Variants in SVIL observed in about 807,000 individuals in gnomAD.
SVIL encodes archvillin.
SVIL carries 101 observed loss-of-function variants against 240.4 expected under a neutral mutation model. That is an observed-to-expected ratio of 0.42 (90% confidence interval 0.36 to 0.50). The LOEUF (loss-of-function observed/expected upper bound fraction) is 0.50. Among genes scored for constraint, SVIL ranks in the 20% least tolerant of loss-of-function variants. The pLI, the probability that SVIL is intolerant of heterozygous loss-of-function variation, is 0.01. For missense variants in SVIL, 2,512 were observed against 2,818.7 expected, an observed-to-expected ratio of 0.89 and a Z score of 2.46; for synonymous variants, 999 against 1,100.0, an observed-to-expected ratio of 0.91 and a Z score of 1.82.
chr10:29,587,681 A>T (rs1956225405), intron 1 of SVIL, among the ~76,000 whole-genome samples: 1 of 152,188 alleles, frequency 6.6e-6, no homozygotes, highest in Admixed American at 6.5e-5. Flanking sequence ...CAACCTCATC[A>T]GAGGACTCCC....
intron 17 of SVIL, among the ~76,000 whole-genome samples, chr10:29,501,857 A>G (rs1332654106): frequency 6.6e-6 from 1 of 152,226 alleles, no homozygotes; most frequent in Non-Finnish European, 1.5e-5. Context: ...TGGCGTCTCC[A>G]AAGGTCCAGC....
chr10:29,586,863 A>C (rs374567431), intron 1 of SVIL, among the ~76,000 whole-genome samples: 1 of 152,128 alleles, frequency 6.6e-6, no homozygotes, highest in African/African-American at 2.4e-5. Flanking sequence ...GACACATAGA[A>C]GGGAACAACA....
intron 3 of SVIL, among the ~76,000 whole-genome samples, chr10:29,654,805 A>G (rs1958947450): frequency 6.6e-6 from 1 of 152,188 alleles, no homozygotes; most frequent in African/African-American, 2.4e-5. Flanking sequence ...AGATCTGAGA[A>G]TCCTGGGGCC....
chr10:29,593,164 A>G (rs1414563122), intron 1 of SVIL, among the ~76,000 whole-genome samples: 1 of 152,202 alleles, frequency 6.6e-6, no homozygotes, highest in African/African-American at 2.4e-5. Flanking sequence ...TTGAAAAAAA[A>G]AGAGATATTC....
intron 2 of SVIL, among the ~76,000 whole-genome samples, chr10:29,669,982 G>A (rs1460900760): frequency 6.6e-6 from 1 of 152,008 alleles, no homozygotes; most frequent in Non-Finnish European, 1.5e-5. Context: ...GGGCATGGTG[G>A]TGTGCACCTG....
At chr10:29,496,205 C>G (rs189793795) in intron 18 of SVIL, among the ~76,000 whole-genome samples, 3 of 152,154 alleles carry the variant, frequency 2.0e-5, no homozygotes. Flanking sequence ...GTTTAAAACT[C>G]AAGTTTTAGT....
chr10:29,595,674 GTC>G lies in SVIL; in HGVS notation c.-200-26364_-200-26363del, dbSNP rs537446643. Among the ~76,000 whole-genome samples, 107 of 152,316 alleles carry G rather than the reference GTC, an allele frequency of 7.0e-4. 1 individual carries two copies. The South Asian group carries it at 7.7e-3, about 11-fold the overall frequency. ...AAAAATACATATGGCCCAGGGGAAA[GTC>G]TCTAGCATCAGTGCCTCTCTTCTGC... On this transcript the variant is annotated intron_variant, in intron 1 of 37. Coordinates refer to ENST00000355867, the MANE Select transcript of SVIL (RefSeq NM_021738.3).
rs1264804056 is a variant in SVIL, at chr10:29,486,268, C to T, written c.4634-38G>A. On this transcript the variant is annotated intron_variant, in intron 25 of 37. Coordinates refer to ENST00000355867, the MANE Select transcript of SVIL (RefSeq NM_021738.3). ...AAGAACAGGAGAGCATCACATTTTA[C>T]ATTGCAAAGTAGCTGCAATGTAAAA... 4 of 1,609,736 alleles carry T rather than the reference C, an allele frequency of 2.5e-6. No homozygotes were observed. In the South Asian group the frequency reaches 4.4e-5, roughly 18 times the overall value.
chr10:29,702,764 G>A (rs1004656718), intron 1 of SVIL, among the ~76,000 whole-genome samples: 4 of 152,122 alleles, frequency 2.6e-5, no homozygotes, highest in Non-Finnish European at 5.9e-5. Flanking sequence ...GATAGTTCCT[G>A]TCCCCACGCA....
At chr10:29,607,061 T>C (rs906587347) in intron 1 of SVIL, among the ~76,000 whole-genome samples, 8 of 152,224 alleles carry the variant, frequency 5.3e-5, no homozygotes, top group Non-Finnish European at 8.8e-5. Flanking sequence ...GGCCTACACA[T>C]TGAACTATTT....
intron 1 of SVIL, among the ~76,000 whole-genome samples, chr10:29,611,914 T>C (rs1957259258): frequency 6.6e-6 from 1 of 151,984 alleles, no homozygotes; most frequent in South Asian, 2.1e-4. Flanking sequence ...AGGGGGAGAA[T>C]CTCTCATTCC....
intron 1 of SVIL, among the ~76,000 whole-genome samples, chr10:29,614,420 A>G (rs1957359825): frequency 6.6e-6 from 1 of 152,232 alleles, no homozygotes. Context: ...CCAAATGCCC[A>G]TCAATGATAG....
chr10:29,584,868 A>G (rs1303007190), intron 1 of SVIL, among the ~76,000 whole-genome samples: 1 of 152,162 alleles, frequency 6.6e-6, no homozygotes, highest in Admixed American at 6.5e-5. Context: ...TCAAGCTGGG[A>G]TACATCATGC....
At chr10:29,676,953 T>C (rs1960250659) in intron 2 of SVIL, among the ~76,000 whole-genome samples, 2 of 152,164 alleles carry the variant, frequency 1.3e-5, no homozygotes, top group Non-Finnish European at 1.5e-5. Context: ...CCTCCTAGAC[T>C]AGAGATCACT....
chr10:29,564,535 CT>C (rs1354298834), intron 2 of SVIL, among the ~76,000 whole-genome samples: 3 of 152,152 alleles, frequency 2.0e-5, no homozygotes, highest in Admixed American at 6.5e-5. Flanking sequence ...GACCTTCCCC[CT>C]GTTCGGGTGC....
intron 1 of SVIL, among the ~76,000 whole-genome samples, chr10:29,726,015 G>C (rs529974135): frequency 7.2e-5 from 11 of 152,146 alleles, no homozygotes; most frequent in Non-Finnish European, 1.2e-4. Flanking sequence ...TCGACATCAT[G>C]GGCTTATGTG....
intron 5 of SVIL, among the ~76,000 whole-genome samples, chr10:29,553,353 C>A (rs142663719): frequency 1.3e-5 from 2 of 151,922 alleles, no homozygotes; most frequent in African/African-American, 4.8e-5. Context: ...CCGAGGCAGG[C>A]GGATCACCTG....
Position 29,554,950 on chromosome 10 carries a change from C to T in SVIL, c.9-16G>A. 1 of 1,610,532 alleles carries T rather than the reference C, an allele frequency of 6.2e-7. No individual in the cohort carries two copies. The highest frequency in any genetic ancestry group is 8.5e-7 in the Non-Finnish European group (1 of 1,178,180). ...TCTTTCTTTTCTGTGAAATACACCA[C>T]AAGAGGCAGAGTGAGCAACAGCGAT... On this transcript the variant is annotated splice_polypyrimidine_tract_variant and intron_variant, in intron 4 of 37. Transcript: ENST00000355867.
At chr10:29,548,070 A>C (rs1952856725) in intron 6 of SVIL, among the ~76,000 whole-genome samples, 1 of 152,204 alleles carries the variant, frequency 6.6e-6, no homozygotes, top group Non-Finnish European at 1.5e-5. Context: ...AGGTGCTCAA[A>C]ATGGATCCTT....
Sources: allele counts gnomAD v4.1 joint callset (sites outside exome capture counted in the v4.1 genomes callset), GRCh38; gene constraint gnomAD v4.1.1; transcripts MANE v1.5; gene names NCBI Gene and HGNC (gene_info 2026-07-23, HGNC 2026-07-21).